Variants in EFCAB5 observed in about 807,000 individuals in gnomAD.
EFCAB5 encodes the protein EF-hand calcium binding domain 5.
In EFCAB5, 131 loss-of-function variants were observed where a neutral mutation model predicts 167.9. That is an observed-to-expected ratio of 0.78 (90% CI 0.68 to 0.90). The LOEUF (loss-of-function observed/expected upper bound fraction) is 0.90, where lower values mean the gene tolerates loss of function less well. Among genes scored for constraint, EFCAB5 ranks in the 40% least tolerant of loss-of-function variants. EFCAB5 has a pLI of 0.00. For missense variants in EFCAB5, 1,663 were observed against 1,745.2 expected, an observed-to-expected ratio of 0.95 and a Z score of 0.84; for synonymous variants, 574 against 602.8, an observed-to-expected ratio of 0.95 and a Z score of 0.70.
chr17:30,004,397 G>A (rs2068731072), intron 7 of EFCAB5, among the ~76,000 whole-genome samples: 1 of 152,224 alleles, frequency 6.6e-6, no homozygotes, highest in African/African-American at 2.4e-5. Context: ...TTTGGAGGCA[G>A]GGGCAAGGTG....
intron 14 of EFCAB5, among the ~76,000 whole-genome samples, chr17:30,077,317 T>C (rs2070887527): frequency 6.6e-6 from 1 of 151,952 alleles, no homozygotes; most frequent in Admixed American, 6.6e-5. Flanking sequence ...GATAAATAAA[T>C]AAATAAAAAA....
chr17:30,002,102 C>T (rs1484128573), intron 7 of EFCAB5, among the ~76,000 whole-genome samples: 1 of 152,060 alleles, frequency 6.6e-6, no homozygotes, highest in Non-Finnish European at 1.5e-5. Flanking sequence ...TTGGTTATGC[C>T]TAATATCCTA....
intron 14 of EFCAB5, among the ~76,000 whole-genome samples, chr17:30,067,457 A>AAAT (rs994083061): frequency 3.9e-5 from 6 of 151,906 alleles, no homozygotes; most frequent in African/African-American, 7.3e-5. Flanking sequence ...TCTATTTAAA[A>AAAT]AATAATAATA....
intron 4 of EFCAB5, among the ~76,000 whole-genome samples, chr17:29,987,243 G>C (rs943165385): frequency 6.6e-5 from 10 of 152,150 alleles, no homozygotes; most frequent in Admixed American, 1.3e-4. Flanking sequence ...GACAGGTGTT[G>C]CTTGTGACAG....
At chr17:30,015,105 T>A (rs770068109) in intron 7 of EFCAB5, among the ~76,000 whole-genome samples, 3 of 152,192 alleles carry the variant, frequency 2.0e-5, no homozygotes, top group Non-Finnish European at 4.4e-5. Context: ...ATTCTTTTCT[T>A]TAAGAATGTT....
intron 1 of EFCAB5, among the ~76,000 whole-genome samples, chr17:29,934,840 T>G (rs2067232056): frequency 6.6e-6 from 1 of 152,232 alleles, no homozygotes; most frequent in Non-Finnish European, 1.5e-5. Context: ...CACTGCTTCT[T>G]GCCAGGAGTG....
intron 19 of EFCAB5, among the ~76,000 whole-genome samples, chr17:30,088,540 A>G (rs115475031): frequency 1.1e-3 from 162 of 152,346 alleles, no homozygotes; most frequent in African/African-American, 3.6e-3. Context: ...TTTTTTATTT[A>G]AAGAAGACAT....
chr17:30,083,038 G>C lies in EFCAB5; in HGVS notation c.3574G>C (p.Ala1192Pro), dbSNP rs538948717. 2.5e-6 allele frequency: 4 copies of C among 1,613,564 alleles called. No homozygotes were observed. In the South Asian group the frequency reaches 4.4e-5, roughly 18 times the overall value. ...ITTYFVEPSP[A>P]QDSDYVLRNM... The stretch of plus-strand genomic sequence containing the variant: ...TACGTACTTTGTAGAGCCTAGCCCA[G>C]CCCAGGTAGGCAAGGCTCAGTAGTG... Residue 1192 changes from alanine (A) to proline (P), a missense_variant, in exon 18 of 23, where the codon GCC becomes CCC. Transcript: ENST00000394835.
chr17:30,094,662 A>C (rs1229883253), intron 22 of EFCAB5, among the ~76,000 whole-genome samples: 1 of 152,160 alleles, frequency 6.6e-6, no homozygotes, highest in East Asian at 1.9e-4. Context: ...AGCCTGGGCA[A>C]CAGAATGAGA....
Position 30,023,495 on chromosome 17 carries a change from A to T in EFCAB5, c.1045-10735A>T, listed in dbSNP as rs866249412. ...GACTAAACCAGGAAGAAGTTGAATC[A>T]CTGAATAGACCAATAACAGGCTCTG... On this transcript the variant is annotated intron_variant, in intron 7 of 22. Transcript: ENST00000394835. Among the ~76,000 whole-genome samples the T allele has an allele frequency of 3.3e-5, 5 of 152,152 alleles. No homozygotes were observed. The South Asian group carries it at 6.2e-4, about 19-fold the overall frequency.
At chr17:29,966,252 G>T (rs1567682592) in intron 3 of EFCAB5, among the ~76,000 whole-genome samples, 1 of 152,096 alleles carries the variant, frequency 6.6e-6, no homozygotes, top group Admixed American at 6.6e-5. Context: ...AGTTCTGAGA[G>T]ATTTCTTACA....
In EFCAB5 at chr17:30,022,559, T is replaced by G. The variant is rs538206849; in HGVS notation, c.1045-11671T>G. On this transcript the variant is annotated intron_variant, in intron 7 of 22. Coordinates refer to ENST00000394835, the MANE Select transcript of EFCAB5 (RefSeq NM_198529.4). Reference sequence around the variant, plus strand: ...GAAGAAAAGTGAGACTTCAGCAGGGTGGGTTAAGTGTAGGAAACTCGTCTG... The same window carrying G: ...GAAGAAAAGTGAGACTTCAGCAGGGGGGGTTAAGTGTAGGAAACTCGTCTG... Among the ~76,000 whole-genome samples the G allele has an allele frequency of 7.9e-5, 12 of 152,122 alleles. No individual in the cohort carries two copies. The South Asian group carries it at 2.3e-3, about 29-fold the overall frequency.
At chr17:29,963,018 T>C (rs2067752497) in intron 3 of EFCAB5, among the ~76,000 whole-genome samples, 1 of 152,166 alleles carries the variant, frequency 6.6e-6, no homozygotes, top group Non-Finnish European at 1.5e-5. Context: ...TATGGCTCAC[T>C]GAAGCCTCAA....
intron 4 of EFCAB5, among the ~76,000 whole-genome samples, chr17:29,972,284 C>T (rs2067972044): frequency 6.7e-6 from 1 of 150,200 alleles, no homozygotes; most frequent in Admixed American, 6.6e-5. Context: ...CTCCTGACCT[C>T]GTGATCCGCC....
At chr17:29,998,845 A>C (rs1403978628) in intron 6 of EFCAB5, among the ~76,000 whole-genome samples, 1 of 152,096 alleles carries the variant, frequency 6.6e-6, no homozygotes, top group Non-Finnish European at 1.5e-5. Flanking sequence ...CAATTTATGT[A>C]TTTTTCTCTT....
At chr17:29,953,971 G>A (rs2151542660) in intron 3 of EFCAB5, among the ~76,000 whole-genome samples, 1 of 152,324 alleles carries the variant, frequency 6.6e-6, no homozygotes, top group Non-Finnish European at 1.5e-5. Flanking sequence ...GCAGAGACTG[G>A]CAGCATTTTG....
intron 7 of EFCAB5, among the ~76,000 whole-genome samples, chr17:30,015,759 CTTTTTTTT>C (rs71138866): frequency 2.1e-4 from 28 of 130,566 alleles, no homozygotes; most frequent in Admixed American, 3.9e-4. Context: ...TTGGTTATTT[CTTTTTTTT>C]TTTTTTTTTC....
At chr17:29,938,358 T>C (rs193041767), upstream of EFCAB5, among the ~76,000 whole-genome samples, 476 of 152,350 alleles carry the variant, frequency 3.1e-3, 2 homozygotes, top group Non-Finnish European at 5.7e-3. Flanking sequence ...TCAAAATCTT[T>C]TTGCTGATGC....
intron 3 of EFCAB5, among the ~76,000 whole-genome samples, chr17:29,955,391 A>C (rs948393165): frequency 6.6e-6 from 1 of 152,180 alleles, no homozygotes; most frequent in Admixed American, 6.5e-5. Context: ...AAATCTCACA[A>C]GATCTGATGG....
Sources: allele counts gnomAD v4.1 joint callset (sites outside exome capture counted in the v4.1 genomes callset), GRCh38; gene constraint gnomAD v4.1.1; transcripts MANE v1.5; gene names NCBI Gene and HGNC (gene_info 2026-07-23, HGNC 2026-07-21).